FNDC3A: variants seen among roughly 807,000 people sequenced by gnomAD.
The protein encoded by FNDC3A is fibronectin type-III domain-containing protein 3A.
Under a neutral mutation model 148.9 loss-of-function variants are expected in FNDC3A, and 32 were observed. The observed-to-expected ratio is 0.21, with a 90% CI of 0.16 to 0.29. FNDC3A has a LOEUF of 0.29. FNDC3A is among the 10% of genes least tolerant of loss of function. The probability of loss-of-function intolerance (pLI) is 1.00; values close to 1 mark genes in which losing one functional copy is unlikely to be tolerated. For missense variants in FNDC3A, 1,191 were observed against 1,452.8 expected, an observed-to-expected ratio of 0.82 and a Z score of 2.93; for synonymous variants, 472 against 473.6, an observed-to-expected ratio of 1.00 and a Z score of 0.04.
chr13:49,114,248 A>T (rs947036611), intron 3 of FNDC3A, among the ~76,000 whole-genome samples: 8 of 152,092 alleles, frequency 5.3e-5, no homozygotes, highest in Non-Finnish European at 2.9e-5. Flanking sequence ...TTGATTTTAT[A>T]TGCAGAGTTT....
intron 13 of FNDC3A, among the ~76,000 whole-genome samples, chr13:49,176,029 G>T (rs1418479712): frequency 6.6e-6 from 1 of 152,182 alleles, no homozygotes; most frequent in Non-Finnish European, 1.5e-5. Flanking sequence ...AACCAGCCTT[G>T]CATTCCTAGG....
chr13:49,192,079 C>T (rs1350361613), intron 19 of FNDC3A, among the ~76,000 whole-genome samples: 2 of 152,188 alleles, frequency 1.3e-5, no homozygotes, highest in Non-Finnish European at 2.9e-5. Flanking sequence ...TGACACCTCT[C>T]ATCTCTCTGC....
intron 14 of FNDC3A, among the ~76,000 whole-genome samples, chr13:49,184,652 G>A (rs1381185116): frequency 6.6e-6 from 1 of 152,088 alleles, no homozygotes; most frequent in Non-Finnish European, 1.5e-5. Context: ...GGTTTATATT[G>A]GGGAGAGAGA....
chr13:49,128,645 C>A (rs1487570019), intron 4 of FNDC3A, among the ~76,000 whole-genome samples: 3 of 152,156 alleles, frequency 2.0e-5, no homozygotes, highest in Non-Finnish European at 4.4e-5. Flanking sequence ...AAATGATGAA[C>A]TCCAACTCCT....
chr13:49,055,540 C>T (rs1876172525), intron 2 of FNDC3A, among the ~76,000 whole-genome samples: 1 of 152,148 alleles, frequency 6.6e-6, no homozygotes, highest in African/African-American at 2.4e-5. Context: ...AATCTTTATT[C>T]TCTGAAGCCT....
At chr13:49,205,526 T>C (rs1886607200) in intron 25 of FNDC3A, among the ~76,000 whole-genome samples, 1 of 152,114 alleles carries the variant, frequency 6.6e-6, no homozygotes, top group African/African-American at 2.4e-5. Context: ...TCAAAGGAAA[T>C]GCTCATTGGA....
At chr13:48,996,741 G>A (rs879682912) in intron 1 of FNDC3A, among the ~76,000 whole-genome samples, 2 of 151,974 alleles carry the variant, frequency 1.3e-5, no homozygotes, top group Non-Finnish European at 2.9e-5. Context: ...AGTTTGAATT[G>A]GACACATCAA....
chr13:49,174,619 GTA>G, intron 12 of FNDC3A, 60 bp downstream of exon 12: 1 of 1,428,832 alleles, frequency 7.0e-7, no homozygotes, highest in East Asian at 2.4e-5. Flanking sequence ...AACGTCAATT[GTA>G]TAATTATTTA....
At chr13:49,028,430 C>T (rs936498904) in intron 2 of FNDC3A, among the ~76,000 whole-genome samples, 13 of 151,812 alleles carry the variant, frequency 8.6e-5, no homozygotes, top group African/African-American at 1.4e-4. Context: ...TTGTAGAAAC[C>T]GAATCTCGCT....
rs969216593 is a variant in FNDC3A at position 49,208,356 on chromosome 13, G to A, written c.*961G>A. On this transcript the variant is annotated 3_prime_UTR_variant, in exon 26 of 26. Transcript: ENST00000492622. ...TGAAGAACTCCCATAAGTTTCTGCTGCTTCTCCCATAACTGCTGCCACCAC... is the reference window on the plus strand; with the variant it reads ...TGAAGAACTCCCATAAGTTTCTGCTACTTCTCCCATAACTGCTGCCACCAC... The A allele has an allele frequency of 1.3e-5, 2 of 152,592 alleles. No individual in the cohort carries two copies. The highest frequency in any genetic ancestry group is 2.9e-5 in the Non-Finnish European group (2 of 68,010). 9.5% of individuals were successfully genotyped at this position (152,592 alleles called of 1,614,324 possible). A position where few individuals can be genotyped will look rare whatever the true frequency, so the allele number is the denominator to read the frequency against.
At chr13:49,025,090 A>G (rs1274196018) in intron 2 of FNDC3A, among the ~76,000 whole-genome samples, 1 of 152,062 alleles carries the variant, frequency 6.6e-6, no homozygotes, top group African/African-American at 2.4e-5. Flanking sequence ...CATTAGATTT[A>G]AAATAGGTTA....
intron 1 of FNDC3A, among the ~76,000 whole-genome samples, chr13:48,984,004 G>A (rs1439853856): frequency 6.6e-6 from 1 of 151,982 alleles, no homozygotes; most frequent in East Asian, 1.9e-4. Context: ...AACAGAAAAA[G>A]ATTTGTATTA....
intron 3 of FNDC3A, among the ~76,000 whole-genome samples, chr13:49,083,856 G>A (rs1289668678): frequency 6.6e-6 from 1 of 152,218 alleles, no homozygotes; most frequent in Non-Finnish European, 1.5e-5. Context: ...TTCCAGCATA[G>A]AAAGATAATT....
intron 9 of FNDC3A, among the ~76,000 whole-genome samples, chr13:49,167,645 G>T (rs1415690792): frequency 6.6e-6 from 1 of 152,026 alleles, no homozygotes; most frequent in Admixed American, 6.5e-5. Flanking sequence ...GGTTAAGACT[G>T]CAGTGAGCCA....
chr13:48,984,570 G>A (rs1469057519), intron 1 of FNDC3A, among the ~76,000 whole-genome samples: 1 of 152,144 alleles, frequency 6.6e-6, no homozygotes, highest in African/African-American at 2.4e-5. Flanking sequence ...TGGAAGAACT[G>A]GTCTATAAAG....
intron 2 of FNDC3A, among the ~76,000 whole-genome samples, chr13:49,028,579 A>G (rs557659406): frequency 2.0e-5 from 3 of 152,308 alleles, no homozygotes; most frequent in Non-Finnish European, 2.9e-5. Flanking sequence ...ATAGGTTGAA[A>G]TGTAAAAGAT....
chr13:49,003,665 T>G (rs914616582), intron 1 of FNDC3A, among the ~76,000 whole-genome samples: 2 of 152,166 alleles, frequency 1.3e-5, no homozygotes, highest in African/African-American at 4.8e-5. Context: ...TTTTAGAACC[T>G]TTTCTTTGGT....
At chr13:49,079,662 A>G (rs745765401) in intron 3 of FNDC3A, among the ~76,000 whole-genome samples, 17 of 152,198 alleles carry the variant, frequency 1.1e-4, no homozygotes, top group Non-Finnish European at 2.4e-4. Flanking sequence ...TCCTACTACA[A>G]ACATCATTGG....
At chr13:48,982,269 AAGAC>A (rs1239986740) in intron 1 of FNDC3A, among the ~76,000 whole-genome samples, 1 of 151,984 alleles carries the variant, frequency 6.6e-6, no homozygotes, top group African/African-American at 2.4e-5. Flanking sequence ...TTGTTTTCTT[AAGAC>A]AGACATTCTC....
Sources: allele counts gnomAD v4.1 joint callset (sites outside exome capture counted in the v4.1 genomes callset), GRCh38; gene constraint gnomAD v4.1.1; transcripts MANE v1.5; gene names NCBI Gene and HGNC (gene_info 2026-07-23, HGNC 2026-07-21).